Variants in AFF3 observed in about 807,000 individuals in gnomAD.
AFF3 encodes the protein AF4/FMR2 family member 3.
A neutral mutation model predicts 129.7 loss-of-function variants in AFF3; 32 were observed. The ratio of observed to expected loss-of-function variants is 0.25; its 90% CI spans 0.19 to 0.33. The LOEUF (loss-of-function observed/expected upper bound fraction) is 0.33, where lower values mean the gene tolerates loss of function less well. AFF3 is among the 10% of genes least tolerant of loss of function. The pLI is 1.00. For synonymous variants in AFF3, 644 were observed against 635.4 expected, an observed-to-expected ratio of 1.01 and a Z score of -0.20; for missense variants, 1,373 against 1,592.0, an observed-to-expected ratio of 0.86 and a Z score of 2.34.
In AFF3 at chr2:99,879,044, G is replaced by C. The variant is rs538648421; in HGVS notation, c.874-41520C>G. Among the ~76,000 whole-genome samples, 45 of 152,284 alleles carry C rather than the reference G, an allele frequency of 3.0e-4. 1 individual carries two copies. The highest frequency in any genetic ancestry group is 1.0e-3 in the African/African-American group (43 of 41,546). ...AAGTCTATACTCATGGGCAGCCCAG[G>C]AATCTGCGGGTAAGAAGCACTGAAG... is the stretch of plus-strand genomic sequence containing the variant. On this transcript the variant is annotated intron_variant, in intron 7 of 24. Coordinates refer to ENST00000672756, the MANE Select transcript of AFF3 (RefSeq NM_001386135.1).
At chr2:99,690,402 C>T (rs959602395) in intron 11 of AFF3, among the ~76,000 whole-genome samples, 14 of 151,670 alleles carry the variant, frequency 9.2e-5, no homozygotes, top group Admixed American at 7.9e-4. Context: ...AGGATGGTCT[C>T]GATCTCCTGA....
In AFF3 at chr2:99,952,256, C is replaced by T. The variant is rs545050586; in HGVS notation, c.873+54376G>A. 2.1e-4 allele frequency among the ~76,000 whole-genome samples: 32 copies of T among 152,260 alleles called. 1 individual carries two copies. The Middle Eastern group carries it at 0.01, about 49-fold the overall frequency. ...AAAAGCATGTAGCACCTCCTCCAAACCCCTTCCTCCTGCTCTGACCATGTA... is the reference window on the plus strand; with the variant it reads ...AAAAGCATGTAGCACCTCCTCCAAATCCCTTCCTCCTGCTCTGACCATGTA... On this transcript the variant is annotated intron_variant, in intron 7 of 24. Transcript: ENST00000672756.
intron 20 of AFF3, among the ~76,000 whole-genome samples, chr2:99,561,173 T>C (rs1178313260): frequency 6.6e-6 from 1 of 152,246 alleles, no homozygotes; most frequent in East Asian, 1.9e-4. Context: ...TGTATTAACA[T>C]CTTTAAGCCT....
chr2:99,695,613 C>G (rs541186823), intron 11 of AFF3, among the ~76,000 whole-genome samples: 1 of 152,170 alleles, frequency 6.6e-6, no homozygotes, highest in Non-Finnish European at 1.5e-5. Flanking sequence ...ACAGGACAGA[C>G]AGGGAGGGGC....
chr2:100,013,801 C>T (rs535503354), intron 4 of AFF3, among the ~76,000 whole-genome samples: 2 of 152,210 alleles, frequency 1.3e-5, no homozygotes, highest in Non-Finnish European at 2.9e-5. Flanking sequence ...ACAGCTCACA[C>T]ACAAAGCAGA....
chr2:99,678,841 C>T (rs558685250), intron 11 of AFF3, among the ~76,000 whole-genome samples: 2 of 152,292 alleles, frequency 1.3e-5, no homozygotes, highest in Admixed American at 1.3e-4. Flanking sequence ...GCTTGGAACA[C>T]GGGAGGGAAA....
chr2:99,643,332 A>G (rs1233972277), intron 13 of AFF3, among the ~76,000 whole-genome samples: 1 of 152,188 alleles, frequency 6.6e-6, no homozygotes, highest in Non-Finnish European at 1.5e-5. Flanking sequence ...TGCTGGGATT[A>G]CAGGCATGAG....
intron 8 of AFF3, among the ~76,000 whole-genome samples, chr2:99,775,925 G>GTCAA (rs1683870044): frequency 6.6e-6 from 1 of 152,142 alleles, no homozygotes; most frequent in South Asian, 2.1e-4. Context: ...AAGGAAACAA[G>GTCAA]TCAATACCCA....
chr2:99,704,101 C>T (rs940738665), intron 11 of AFF3, among the ~76,000 whole-genome samples: 2 of 152,176 alleles, frequency 1.3e-5, no homozygotes, highest in Non-Finnish European at 2.9e-5. Context: ...TCCACATGCA[C>T]TGACCAGCAC....
At position 100,124,815 on chromosome 2, in the gene AFF3, A is replaced by G. The variant is rs139297865; in HGVS notation, c.-145+4409T>C. Among the ~76,000 whole-genome samples, 1,255 of 152,346 alleles carry G rather than the reference A, an allele frequency of 8.2e-3. 23 individuals carry two copies. Among genetic ancestry groups the G allele is most frequent in the African/African-American group, 0.029 (1,188 of 41,570 alleles). On this transcript the variant is annotated intron_variant, in intron 2 of 24. Transcript: ENST00000672756. ...ATGAATGTATAATAAACCTGAATGT[A>G]TAATAAGGTCATAATTCATATATGA...
chr2:99,637,878 T>C (rs1444628055), intron 13 of AFF3, among the ~76,000 whole-genome samples: 3 of 152,212 alleles, frequency 2.0e-5, no homozygotes, highest in African/African-American at 7.2e-5. Context: ...AGATACACAG[T>C]GTTATGTTGT....
intron 20 of AFF3, among the ~76,000 whole-genome samples, chr2:99,561,506 A>G (rs1189780241): frequency 6.6e-6 from 1 of 152,182 alleles, no homozygotes; most frequent in Non-Finnish European, 1.5e-5. Context: ...CCACTTAAAA[A>G]TAGCATTGTC....
At chr2:100,106,852 A>G (rs1691326910) in intron 2 of AFF3, 16 of 985,350 alleles carry the variant, frequency 1.6e-5, no homozygotes, top group African/African-American at 1.7e-5. Flanking sequence ...GCTGAAGATA[A>G]ATAGATGATC....
chr2:99,645,190 C>G (rs1232833614), intron 13 of AFF3, among the ~76,000 whole-genome samples: 3 of 152,076 alleles, frequency 2.0e-5, no homozygotes, highest in African/African-American at 7.2e-5. Context: ...CAAAGATTAG[C>G]CAGGCATGGT....
intron 7 of AFF3, among the ~76,000 whole-genome samples, chr2:99,944,521 C>T (rs1675371162): frequency 6.6e-6 from 1 of 152,156 alleles, no homozygotes; most frequent in South Asian, 2.1e-4. Flanking sequence ...ATTCACACAC[C>T]CTGCTGGGAA....
At chr2:99,603,601 C>T (rs1575480761) in intron 13 of AFF3, among the ~76,000 whole-genome samples, 1 of 152,154 alleles carries the variant, frequency 6.6e-6, no homozygotes, top group African/African-American at 2.4e-5. Context: ...ACGTCAAAAG[C>T]AATTGCAACA....
intron 8 of AFF3, among the ~76,000 whole-genome samples, chr2:99,764,701 T>G (rs74454925): frequency 1.3e-5 from 2 of 152,156 alleles, no homozygotes; most frequent in Admixed American, 1.3e-4. Context: ...ACATTTAGAT[T>G]GGGTCTTCAG....
intron 11 of AFF3, among the ~76,000 whole-genome samples, chr2:99,676,057 C>CGGAAGGACTAGCCATCTGCAT (rs1362574099): frequency 6.6e-6 from 1 of 151,134 alleles, no homozygotes; most frequent in Non-Finnish European, 1.5e-5. Context: ...GTCATCTGCA[C>CGGAAGGACTAGCCATCTGCAT]GGAAGGACTA....
intron 7 of AFF3, among the ~76,000 whole-genome samples, chr2:99,889,666 G>A (rs1185372101): frequency 2.0e-5 from 3 of 152,056 alleles, no homozygotes; most frequent in African/African-American, 7.2e-5. Flanking sequence ...TGAAACTTAA[G>A]CTGTTTTTTT....
Sources: gnomAD v4.1 joint callset for allele counts (sites outside exome capture counted in the v4.1 genomes callset) on GRCh38, gnomAD v4.1.1 for gene constraint, MANE v1.5 for transcripts, NCBI Gene and HGNC (gene_info 2026-07-23, HGNC 2026-07-21) for gene names.